ITGA8: variants seen among roughly 807,000 people sequenced by gnomAD.
The protein encoded by ITGA8 is integrin subunit alpha 8, also known as integrin alpha-8.
In ITGA8, 91 loss-of-function variants were observed where a neutral mutation model predicts 142.3. The ratio of observed to expected loss-of-function variants is 0.64; its 90% CI spans 0.54 to 0.76. ITGA8 has a LOEUF of 0.76. Ranked by LOEUF, ITGA8 falls within the 30% of genes least tolerant of loss-of-function variation. The pLI is 0.00. For synonymous variants in ITGA8, 505 were observed against 485.2 expected, an observed-to-expected ratio of 1.04 and a Z score of -0.54; for missense variants, 1,406 against 1,327.7, an observed-to-expected ratio of 1.06 and a Z score of -0.92.
intron 2 of ITGA8, among the ~76,000 whole-genome samples, chr10:15,698,116 A>G (rs1835091073): frequency 1.3e-5 from 2 of 152,080 alleles, no homozygotes; most frequent in Middle Eastern, 3.2e-3. Flanking sequence ...ATGCCTTTGC[A>G]TCCTCATAGC....
At chr10:15,571,960 G>A (rs1033169686) in intron 25 of ITGA8, among the ~76,000 whole-genome samples, 6 of 152,120 alleles carry the variant, frequency 3.9e-5, no homozygotes, top group South Asian at 2.1e-4. Context: ...AAAATAAAAG[G>A]TGCCTATTAA....
Position 15,676,187 on chromosome 10 carries a change from C to T in ITGA8, c.676+1405G>A, listed in dbSNP as rs1460968981. Among the ~76,000 whole-genome samples, 8 of 152,162 alleles carry T rather than the reference C, an allele frequency of 5.3e-5. No homozygotes were observed. The South Asian group carries it at 1.4e-3, about 28-fold the overall frequency. On this transcript the variant is annotated intron_variant, in intron 6 of 29. Coordinates refer to ENST00000378076, the MANE Select transcript of ITGA8 (RefSeq NM_003638.3). ...TCCTGCCTCCCACAGTACATCTGCA[C>T]GTGGTCCCTCTTCTCTTCACCTAGG...
rs1233289984 is a variant in ITGA8, at chr10:15,672,700, G to T, written c.726C>A (p.Phe242Leu). Residue 242 changes from phenylalanine to leucine, a missense_variant, in exon 7 of 30, where the codon TTC (phenylalanine) becomes TTA (leucine). Phe to Leu is a conservative substitution (Grantham distance 22, BLOSUM62 0). Coordinates refer to ENST00000378076, the MANE Select transcript of ITGA8 (RefSeq NM_003638.3). The part of the protein sequence containing the change: ...SVADIIANYS[F>L]KDILRKLAGE... Reference sequence around the variant, plus strand: ...CTGCCAGTTTCCTGAGGATATCCTTGAATGAGTAATTTGCAATGATATCTG... The same window carrying T: ...CTGCCAGTTTCCTGAGGATATCCTTTAATGAGTAATTTGCAATGATATCTG... The T allele has an allele frequency of 6.2e-7, 1 of 1,613,608 alleles. No individual in the cohort carries two copies. Among genetic ancestry groups the T allele is most frequent in the Admixed American group, 1.7e-5 (1 of 59,948 alleles).
intron 5 of ITGA8, among the ~76,000 whole-genome samples, chr10:15,678,013 T>C (rs1588717806): frequency 6.6e-6 from 1 of 152,262 alleles, no homozygotes; most frequent in East Asian, 1.9e-4. Flanking sequence ...TTCCAATTTA[T>C]TTCAAGGACA....
intron 13 of ITGA8, among the ~76,000 whole-genome samples, chr10:15,631,602 A>C (rs770429159): frequency 8.4e-4 from 127 of 151,884 alleles, no homozygotes; most frequent in Non-Finnish European, 1.7e-3. Flanking sequence ...GCATTAGGAG[A>C]AATACTTAAT....
rs1296567346 is a variant in ITGA8, at chr10:15,646,998, C to T, written c.1055G>A (p.Ser352Asn). Reference sequence around the variant, plus strand: ...GATTTGCCCTACTTCTCTGGGGTTGCTCTCAAATTCACGTTCCATAAAGAG... The same window carrying T: ...GATTTGCCCTACTTCTCTGGGGTTGTTCTCAAATTCACGTTCCATAAAGAG... Reference protein sequence around the residue: ...APLFMEREFESNPREVGQIYL... With the variant: ...APLFMEREFENNPREVGQIYL... The change falls in exon 12 of 30, where the codon AGC (serine) becomes AAC (asparagine). Residue 352 changes from serine (S) to asparagine (N), a missense_variant. By Grantham distance (46) the Ser-to-Asn change is conservative. Transcript: ENST00000378076. The T allele has an allele frequency of 3.1e-6, 5 of 1,613,924 alleles. No homozygotes were observed. The highest frequency in any genetic ancestry group is 4.2e-6 in the Non-Finnish European group (5 of 1,180,034).
intron 2 of ITGA8, among the ~76,000 whole-genome samples, chr10:15,694,846 A>G (rs1289790270): frequency 6.6e-6 from 1 of 151,638 alleles, no homozygotes; most frequent in Non-Finnish European, 1.5e-5. Flanking sequence ...ACCTCACAAC[A>G]TTGTCAATGT....
At chr10:15,546,007 A>G (rs535251713) in intron 27 of ITGA8, among the ~76,000 whole-genome samples, 1 of 152,084 alleles carries the variant, frequency 6.6e-6, no homozygotes, top group South Asian at 2.1e-4. Flanking sequence ...TTGTTCCTCA[A>G]ACATGTCTAA....
At chr10:15,592,040 A>G (rs1832932198) in intron 22 of ITGA8, among the ~76,000 whole-genome samples, 185 bp downstream of exon 22, 1 of 152,184 alleles carries the variant, frequency 6.6e-6, no homozygotes, top group Non-Finnish European at 1.5e-5. Flanking sequence ...CTCTTTTTCA[A>G]AACCCCTAAA....
chr10:15,530,166 A>G (rs1203135047), intron 28 of ITGA8, among the ~76,000 whole-genome samples: 1 of 152,184 alleles, frequency 6.6e-6, no homozygotes, highest in African/African-American at 2.4e-5. Flanking sequence ...TCCCCTTTGC[A>G]TGGCCTTGCC....
At position 15,620,016 on chromosome 10, in the gene ITGA8, A is replaced by G. The variant is rs147669607; in HGVS notation, c.1400-3457T>C. Among the ~76,000 whole-genome samples, 564 of 152,396 alleles carry G rather than the reference A, an allele frequency of 3.7e-3. 4 individuals carry two copies. Among genetic ancestry groups the G allele is most frequent in the African/African-American group, 0.013 (538 of 41,598 alleles). On this transcript the variant is annotated intron_variant, in intron 13 of 29. Coordinates refer to ENST00000378076, the MANE Select transcript of ITGA8 (RefSeq NM_003638.3). Reference sequence around the variant, plus strand: ...GAAATGGCAAAGAAAATAAGACTGTAAGCCCTTCCAGGGCAGGAATCTTTA... The same window carrying G: ...GAAATGGCAAAGAAAATAAGACTGTGAGCCCTTCCAGGGCAGGAATCTTTA...
intron 28 of ITGA8, among the ~76,000 whole-genome samples, chr10:15,522,489 T>A (rs1309788038): frequency 6.6e-6 from 1 of 152,208 alleles, no homozygotes; most frequent in Non-Finnish European, 1.5e-5. Flanking sequence ...GGGACAGTAG[T>A]GATCATCTAC....
Position 15,531,245 on chromosome 10 carries a change from C to G in ITGA8, c.2881-94G>C, listed in dbSNP as rs1833286286. 8 of 622,300 alleles carry G rather than the reference C, an allele frequency of 1.3e-5. No individual in the cohort carries two copies. In the South Asian group the frequency reaches 3.4e-4, roughly 26 times the overall value. 38.5% of individuals were successfully genotyped at this position (622,300 alleles called of 1,614,324 possible). A position where few individuals can be genotyped will look rare whatever the true frequency, so the allele number is the denominator to read the frequency against. The stretch of plus-strand genomic sequence containing the variant: ...TAATTATTTTTGGTGTTTTGCATTT[C>G]AAGGCAAAATTTCCTCCTTCCTTTT... On this transcript the variant is annotated intron_variant, in intron 27 of 29. Transcript: ENST00000378076.
intron 8 of ITGA8, among the ~76,000 whole-genome samples, chr10:15,669,288 C>G (rs937109959): frequency 7.2e-4 from 109 of 152,300 alleles, no homozygotes; most frequent in African/African-American, 2.5e-3. Context: ...ATCACTGATA[C>G]CCTTTCTTCC....
intron 20 of ITGA8, among the ~76,000 whole-genome samples, chr10:15,600,709 G>C (rs1267875799): frequency 2.0e-5 from 3 of 152,176 alleles, no homozygotes; most frequent in African/African-American, 7.2e-5. Flanking sequence ...TTTTTTTCTA[G>C]GTTAGAGGTA....
At chr10:15,570,452 A>T (rs1052688878) in intron 25 of ITGA8, among the ~76,000 whole-genome samples, 1 of 141,772 alleles carries the variant, frequency 7.1e-6, no homozygotes, top group East Asian at 2.3e-4. Flanking sequence ...TACTAAAAAT[A>T]CAAAAAAATT....
intron 28 of ITGA8, among the ~76,000 whole-genome samples, chr10:15,529,216 T>C (rs916038559): frequency 1.2e-4 from 18 of 152,190 alleles, no homozygotes; most frequent in Non-Finnish European, 2.2e-4. Context: ...CAAATCTTAA[T>C]TGTCACTTTC....
chr10:15,521,483 A>T (rs1833068791), intron 28 of ITGA8, among the ~76,000 whole-genome samples: 1 of 152,164 alleles, frequency 6.6e-6, no homozygotes, highest in South Asian at 2.1e-4. Context: ...ATTTATATGT[A>T]CACTAATAAA....
At chr10:15,637,075 G>C (rs1253301773) in intron 13 of ITGA8, among the ~76,000 whole-genome samples, 5 of 152,162 alleles carry the variant, frequency 3.3e-5, no homozygotes, top group Non-Finnish European at 7.3e-5. Flanking sequence ...AACCTGGGCG[G>C]CGGAGTTTGC....
Sources: allele counts gnomAD v4.1 joint callset (sites outside exome capture counted in the v4.1 genomes callset), GRCh38; gene constraint gnomAD v4.1.1; transcripts MANE v1.5; gene names NCBI Gene and HGNC (gene_info 2026-07-23, HGNC 2026-07-21).